The following PDE1C variants were observed in gnomAD, a reference collection of about 807,000 sequenced individuals.
The protein encoded by PDE1C is dual specificity calcium/calmodulin-dependent 3',5'-cyclic nucleotide phosphodiesterase 1C.
Under a neutral mutation model 93.1 loss-of-function variants are expected in PDE1C, and 62 were observed. That is an observed-to-expected ratio of 0.67 (90% CI 0.54 to 0.82). PDE1C has a LOEUF of 0.82. Among genes scored for constraint, PDE1C ranks in the 40% least tolerant of loss-of-function variants. The probability of loss-of-function intolerance (pLI) is 0.00; values close to 1 mark genes in which losing one functional copy is unlikely to be tolerated. For missense variants in PDE1C, 742 were observed against 884.6 expected, an observed-to-expected ratio of 0.84 and a Z score of 2.04; for synonymous variants, 325 against 310.1, an observed-to-expected ratio of 1.05 and a Z score of -0.50.
chr7:31,994,779 T>C (rs1784528905), intron 2 of PDE1C, among the ~76,000 whole-genome samples: 2 of 152,118 alleles, frequency 1.3e-5, no homozygotes, highest in South Asian at 4.1e-4. Context: ...CTTAGGCAAA[T>C]CCAGGAAGAG....
rs1039428820 is a variant in PDE1C, at chr7:31,816,080, T to C, written c.1657A>G (p.Lys553Glu). 6.2e-7 allele frequency: 1 copy of C among 1,614,066 alleles called. No homozygotes were observed. Among genetic ancestry groups the C allele is most frequent in the Non-Finnish European group, 8.5e-7 (1 of 1,179,940 alleles). ...AEEQQKEMEAKSQAEEGASGK... is the reference protein window; with the variant it reads ...AEEQQKEMEAESQAEEGASGK... Reference sequence around the variant, plus strand: ...GATGCGCCTTCTTCAGCCTGGCTTTTGGCTTCCATTTCCTTTTGCTGCTCC... The same window carrying C: ...GATGCGCCTTCTTCAGCCTGGCTTTCGGCTTCCATTTCCTTTTGCTGCTCC... The change falls in exon 15 of 18, where the codon AAA becomes GAA. Residue 553 changes from lysine to glutamate, a missense_variant. Lys to Glu is a moderately conservative substitution (Grantham distance 56). This residue lies in a region of PDE1C where 454 missense variants were observed against 459.4 expected (regional missense o/e 0.99). Transcript: ENST00000396191.
intron 1 of PDE1C, among the ~76,000 whole-genome samples, chr7:32,259,139 C>A (rs1810015921): frequency 6.6e-6 from 1 of 152,174 alleles, no homozygotes; most frequent in South Asian, 2.1e-4. Context: ...TGTTTCCTAA[C>A]TCCCTAGACC....
upstream of PDE1C, among the ~76,000 whole-genome samples, chr7:32,302,416 T>C (rs929904190): frequency 3.9e-5 from 6 of 152,188 alleles, no homozygotes; most frequent in Non-Finnish European, 7.3e-5. Flanking sequence ...CAAGAAGTAA[T>C]GTGTGATCCT....
intron 2 of PDE1C, among the ~76,000 whole-genome samples, chr7:31,882,803 T>C (rs916325762): frequency 6.6e-6 from 1 of 152,076 alleles, no homozygotes; most frequent in South Asian, 2.1e-4. Context: ...ATAAGAGTAA[T>C]AGAAGTAAAA....
At chr7:32,084,429 A>G (rs1156542409) in intron 3 of PDE1C, among the ~76,000 whole-genome samples, 2 of 148,684 alleles carry the variant, frequency 1.3e-5, no homozygotes, top group African/African-American at 2.5e-5. Context: ...CACTGTCAAC[A>G]TTAGACAGAT....
intron 3 of PDE1C, among the ~76,000 whole-genome samples, chr7:32,080,730 CT>C (rs1299395709): frequency 6.6e-6 from 1 of 152,190 alleles, no homozygotes; most frequent in Non-Finnish European, 1.5e-5. Flanking sequence ...ATGGTCCATG[CT>C]GGTCCCTGTG....
At chr7:31,997,386 C>G (rs1237646324) in intron 2 of PDE1C, among the ~76,000 whole-genome samples, 1 of 152,224 alleles carries the variant, frequency 6.6e-6, no homozygotes, top group African/African-American at 2.4e-5. Context: ...CCCTCACCCC[C>G]ACTCACAATG....
the PDE1C span, chr7:31,642,550 C>G: frequency 1.2e-6 from 1 of 805,544 alleles, no homozygotes. Flanking sequence ...AAGAGGTAAA[C>G]AGATGCAAAA....
chr7:32,201,090 A>C (rs1804978775), intron 2 of PDE1C, among the ~76,000 whole-genome samples: 1 of 152,250 alleles, frequency 6.6e-6, no homozygotes, highest in Admixed American at 6.5e-5. Flanking sequence ...TTAACAGCTT[A>C]CCGTACTGAT....
intron 3 of PDE1C, among the ~76,000 whole-genome samples, chr7:32,157,959 C>T (rs947310936): frequency 6.6e-6 from 1 of 152,124 alleles, no homozygotes; most frequent in Non-Finnish European, 1.5e-5. Flanking sequence ...TACACTACAG[C>T]CAGATTGAGT....
At chr7:32,116,301 C>T (rs1798981893) in intron 3 of PDE1C, among the ~76,000 whole-genome samples, 1 of 152,038 alleles carries the variant, frequency 6.6e-6, no homozygotes, top group African/African-American at 2.4e-5. Context: ...ACTTATCTTC[C>T]TTCTAGCACA....
At chr7:31,697,309 T>C in the PDE1C span, among the ~76,000 whole-genome samples, 96 of 152,202 alleles carry the variant, frequency 6.3e-4, no homozygotes, top group Non-Finnish European at 1.2e-3. Flanking sequence ...CAGGGGCTGA[T>C]GTGGGGATGG....
intron 2 of PDE1C, among the ~76,000 whole-genome samples, chr7:31,963,332 G>T (rs1809326435): frequency 6.6e-6 from 1 of 152,054 alleles, no homozygotes; most frequent in African/African-American, 2.4e-5. Flanking sequence ...GCAAATATCT[G>T]CTTGTTTGTT....
chr7:31,729,143 G>GT, the PDE1C span, among the ~76,000 whole-genome samples: 1 of 152,198 alleles, frequency 6.6e-6, no homozygotes, highest in African/African-American at 2.4e-5. Flanking sequence ...AAACAAATGC[G>GT]TAAGTTTTTA....
At chr7:31,656,653 C>T in the PDE1C span, among the ~76,000 whole-genome samples, 533 of 152,146 alleles carry the variant, frequency 3.5e-3, 2 homozygotes, top group South Asian at 0.021. Flanking sequence ...GGTAGAAGCA[C>T]GGTTATAGGT....
intron 2 of PDE1C, among the ~76,000 whole-genome samples, chr7:31,993,181 G>A (rs111848428): frequency 3.3e-5 from 5 of 152,262 alleles, no homozygotes; most frequent in African/African-American, 1.2e-4. Flanking sequence ...ATATATCTCA[G>A]CTTTCTCTCA....
the PDE1C span, among the ~76,000 whole-genome samples, chr7:31,664,251 C>A: frequency 6.6e-6 from 1 of 152,170 alleles, no homozygotes; most frequent in Non-Finnish European, 1.5e-5. Context: ...GTTTTTCTAG[C>A]TTTCAGCATT....
chr7:32,056,486 T>A (rs1040408194), intron 1 of PDE1C, among the ~76,000 whole-genome samples: 3 of 152,052 alleles, frequency 2.0e-5, no homozygotes, highest in Non-Finnish European at 4.4e-5. Flanking sequence ...TGAGCTTTAA[T>A]CCCTTCTCCA....
chr7:32,060,985 C>A (rs1359723313), intron 1 of PDE1C, among the ~76,000 whole-genome samples: 1 of 152,124 alleles, frequency 6.6e-6, no homozygotes, highest in East Asian at 1.9e-4. Flanking sequence ...AAACAAGTGG[C>A]AGGATGTCAG....
Sources: allele counts gnomAD v4.1 joint callset (sites outside exome capture counted in the v4.1 genomes callset), GRCh38; gene constraint gnomAD v4.1.1; regional missense constraint gnomAD v4.1.1; transcripts MANE v1.5; gene names NCBI Gene and HGNC (gene_info 2026-07-23, HGNC 2026-07-21).